Variants in SYN2 observed in about 807,000 individuals in gnomAD.
The protein encoded by SYN2 is synapsin II, also known as synapsin-2.
In SYN2, 19 loss-of-function variants were observed where a neutral mutation model predicts 50.9. That is an observed-to-expected ratio of 0.37 (90% confidence interval 0.26 to 0.55). The LOEUF is 0.55. Ranked by LOEUF, SYN2 falls within the 20% of genes least tolerant of loss-of-function variation. The pLI is 0.81. For missense variants in SYN2, 587 were observed against 576.4 expected (o/e 1.02, Z -0.19); for synonymous variants, 255 against 224.9 (o/e 1.13, Z -1.20).
At chr3:12,068,772 C>T (rs1287862331) in intron 1 of SYN2, among the ~76,000 whole-genome samples, 1 of 152,030 alleles carries the variant, frequency 6.6e-6, no homozygotes, top group African/African-American at 2.4e-5. Context: ...TGTTTTCTCT[C>T]TTTAAAAATA....
intron 1 of SYN2, among the ~76,000 whole-genome samples, chr3:12,079,614 G>C (rs1695545434): frequency 6.6e-6 from 1 of 152,130 alleles, no homozygotes; most frequent in Admixed American, 6.6e-5. Context: ...TTACTGATTT[G>C]TGTATGTTGA....
chr3:12,158,655 C>G, intron 5 of SYN2: 2 of 1,603,510 alleles, frequency 1.2e-6, no homozygotes. Flanking sequence ...AGATACTAAT[C>G]CCCCACAACC....
intron 12 of SYN2, among the ~76,000 whole-genome samples, chr3:12,189,797 CA>C (rs11335885): frequency 0.98 from 148,413 of 151,692 alleles, 72,622 homozygotes; most frequent in Middle Eastern, 1. Flanking sequence ...GATTCTGTCT[CA>C]AAAAAAAACA....
chr3:12,170,839 A>C (rs1697921181), intron 10 of SYN2, among the ~76,000 whole-genome samples: 1 of 152,242 alleles, frequency 6.6e-6, no homozygotes, highest in African/African-American at 2.4e-5. Context: ...ATAGTGATTC[A>C]GAGTGTGGGC....
intron 1 of SYN2, among the ~76,000 whole-genome samples, chr3:12,090,854 G>T (rs1200395064): frequency 6.6e-6 from 1 of 152,142 alleles, no homozygotes; most frequent in African/African-American, 2.4e-5. Flanking sequence ...CCATGGTTTT[G>T]CAGGAGAGGA....
chr3:12,167,142 G>A, intron 7 of SYN2, 92 bp from the exon 8 acceptor site: 3 of 1,301,838 alleles, frequency 2.3e-6, no homozygotes, highest in Non-Finnish European at 2.2e-6. Flanking sequence ...GGTGTGGAAA[G>A]CAACAGTGAA....
chr3:12,083,964 G>A (rs1222352432), intron 1 of SYN2, among the ~76,000 whole-genome samples: 2 of 152,112 alleles, frequency 1.3e-5, no homozygotes, highest in African/African-American at 4.8e-5. Context: ...GATAGGGAGA[G>A]GAGAATGCTG....
intron 1 of SYN2, among the ~76,000 whole-genome samples, chr3:12,098,148 A>G (rs1035257030): frequency 6.6e-6 from 1 of 152,240 alleles, no homozygotes; most frequent in Admixed American, 6.5e-5. Context: ...GAAGTGAGTC[A>G]TCATGTAGAA....
At chr3:12,111,898 G>T (rs1471264889) in intron 1 of SYN2, among the ~76,000 whole-genome samples, 1 of 152,180 alleles carries the variant, frequency 6.6e-6, no homozygotes, top group Non-Finnish European at 1.5e-5. Flanking sequence ...TTAAGGGGCT[G>T]GGAGAAGGAA....
intron 1 of SYN2, among the ~76,000 whole-genome samples, chr3:12,009,334 T>G (rs74461914): frequency 4.7e-5 from 6 of 127,472 alleles, no homozygotes; most frequent in East Asian, 2.8e-4. Context: ...CTCTACCATG[T>G]TTTTTTTTTT....
chr3:12,080,058 A>AAGG (rs757575061), intron 1 of SYN2, among the ~76,000 whole-genome samples: 9 of 151,702 alleles, frequency 5.9e-5, no homozygotes, highest in Non-Finnish European at 1.3e-4. Context: ...GGAATTTATC[A>AAGG]ATTTCTTCTA....
chr3:12,080,563 A>T (rs1695564902), intron 1 of SYN2, among the ~76,000 whole-genome samples: 1 of 152,116 alleles, frequency 6.6e-6, no homozygotes, highest in South Asian at 2.1e-4. Flanking sequence ...TTATTTACCC[A>T]GGAGTCTATT....
At chr3:12,116,385 A>C (rs1451835054) in intron 1 of SYN2, among the ~76,000 whole-genome samples, 1 of 152,180 alleles carries the variant, frequency 6.6e-6, no homozygotes, top group Non-Finnish European at 1.5e-5. Context: ...GGTTGCCCGG[A>C]AAGCAGAGAG....
rs1278199955 is a variant in SYN2 at position 12,092,483 on chromosome 3, C to G, written c.378-48168C>G. Among the ~76,000 whole-genome samples the G allele has an allele frequency of 2.0e-5, 3 of 152,174 alleles. No homozygotes were observed. In the East Asian group the frequency reaches 5.8e-4, roughly 29 times the overall value. ...TAGAGGAAGAAGTAAGTTAGTTTACCTGGAGGGGTCATATCTGAATGGCTT... is the reference window on the plus strand; with the variant it reads ...TAGAGGAAGAAGTAAGTTAGTTTACGTGGAGGGGTCATATCTGAATGGCTT... On this transcript the variant is annotated intron_variant, in intron 1 of 12. Transcript: ENST00000621198.
intron 10 of SYN2, among the ~76,000 whole-genome samples, chr3:12,181,213 A>G (rs142409850): frequency 8.5e-4 from 129 of 152,348 alleles, no homozygotes; most frequent in African/African-American, 3.0e-3. Context: ...GGGAATACCA[A>G]TTCTCTGGGA....
intron 10 of SYN2, among the ~76,000 whole-genome samples, chr3:12,177,163 G>A (rs751701475): frequency 6.6e-6 from 1 of 152,112 alleles, no homozygotes. Context: ...TTTTGTACTG[G>A]TTCTCTGGTA....
intron 1 of SYN2, among the ~76,000 whole-genome samples, chr3:12,102,456 A>G (rs913562930): frequency 2.0e-5 from 3 of 152,302 alleles, no homozygotes; most frequent in Admixed American, 6.5e-5. Flanking sequence ...GTGTCATGAA[A>G]CAAGGATTAT....
At chr3:12,159,549 C>G (rs1256985946) in intron 5 of SYN2, among the ~76,000 whole-genome samples, 3 of 152,090 alleles carry the variant, frequency 2.0e-5, no homozygotes, top group Admixed American at 2.0e-4. Flanking sequence ...CTTTAGAAAC[C>G]CTTTCTCACT....
chr3:12,013,188 C>T (rs552116229), intron 1 of SYN2, among the ~76,000 whole-genome samples: 1 of 152,128 alleles, frequency 6.6e-6, no homozygotes, highest in Non-Finnish European at 1.5e-5. Context: ...AGGCTAGTCC[C>T]GAAGTCTTGG....
Sources: allele counts gnomAD v4.1 joint callset (sites outside exome capture counted in the v4.1 genomes callset), GRCh38; gene constraint gnomAD v4.1.1; transcripts MANE v1.5; gene names NCBI Gene and HGNC (gene_info 2026-07-23, HGNC 2026-07-21).